The following RFWD3 variants were observed in gnomAD, a reference collection of about 807,000 sequenced individuals.
RFWD3 encodes E3 ubiquitin-protein ligase RFWD3.
A neutral mutation model predicts 87.7 loss-of-function variants in RFWD3; 65 were observed. The observed-to-expected ratio is 0.74, with a 90% CI of 0.61 to 0.91. The LOEUF (loss-of-function observed/expected upper bound fraction) is 0.91. Ranked by LOEUF, RFWD3 falls within the 40% of genes least tolerant of loss-of-function variation. The pLI, the probability that RFWD3 is intolerant of heterozygous loss-of-function variation, is 0.00. For synonymous variants in RFWD3, 433 were observed against 352.8 expected, an observed-to-expected ratio of 1.23 and a Z score of -2.55; for missense variants, 1,078 against 938.5, an observed-to-expected ratio of 1.15 and a Z score of -1.94.
chr16:74,628,079 A>C (rs1245793180), intron 11 of RFWD3, among the ~76,000 whole-genome samples: 1 of 152,170 alleles, frequency 6.6e-6, no homozygotes, highest in South Asian at 2.1e-4. Flanking sequence ...TGGCTGCCCT[A>C]ATCTGGGCCT....
At chr16:74,654,790 G>T (rs1371569156) in intron 2 of RFWD3, among the ~76,000 whole-genome samples, 1 of 152,158 alleles carries the variant, frequency 6.6e-6, no homozygotes, top group East Asian at 1.9e-4. Flanking sequence ...TGATAAGACA[G>T]CCTTATTGCT....
rs56803461 is a variant in RFWD3, at chr16:74,643,669, G to GCTTTTTTTT, written c.1079+692_1079+693insAAAAAAAAG. Reference sequence around the variant, plus strand: ...ATACTGAGTGGTGTTACTAGCAACTGTTTTTTTTTTTTTTTTTTTTTTTTG... The same window carrying GCTTTTTTTT: ...ATACTGAGTGGTGTTACTAGCAACTGCTTTTTTTTTTTTTTTTTTTTTTTTTTTTTTTTG... On this transcript the variant is annotated intron_variant, in intron 6 of 12. Transcript: ENST00000361070. Among the ~76,000 whole-genome samples, 27 of 105,052 alleles carry GCTTTTTTTT rather than the reference G, an allele frequency of 2.6e-4. 12 individuals carry two copies. Among genetic ancestry groups the GCTTTTTTTT allele is most frequent in the African/African-American group, 3.5e-4 (9 of 25,568 alleles). 68.9% of individuals were successfully genotyped at this position (105,052 alleles called of 152,430 possible).
intron 2 of RFWD3, among the ~76,000 whole-genome samples, chr16:74,652,820 T>A (rs1960665444): frequency 6.6e-6 from 1 of 152,164 alleles, no homozygotes; most frequent in South Asian, 2.1e-4. Flanking sequence ...CTGAGGAGTT[T>A]GAGGCCACTT....
chr16:74,655,179 G>T (rs576868372), intron 2 of RFWD3, among the ~76,000 whole-genome samples: 3 of 152,298 alleles, frequency 2.0e-5, no homozygotes, highest in South Asian at 4.1e-4. Context: ...TGGCTTCAAG[G>T]CTCAAAGGAC....
At chr16:74,632,394 AAAAAC>A (rs376662428) in intron 9 of RFWD3, 124 bp downstream of exon 9, 115 of 1,157,082 alleles carry the variant, frequency 9.9e-5, no homozygotes, top group Non-Finnish European at 1.3e-4. Context: ...TCCATCTCAA[AAAAAC>A]AAAACAAAAC....
chr16:74,659,969 G>A (rs762088780), intron 2 of RFWD3, among the ~76,000 whole-genome samples: 1 of 152,068 alleles, frequency 6.6e-6, no homozygotes, highest in Admixed American at 6.5e-5. Context: ...TAGGAAGATC[G>A]CCTAAGCCTG....
chr16:74,638,712 C>T (rs1306949800), intron 6 of RFWD3, among the ~76,000 whole-genome samples: 4 of 152,172 alleles, frequency 2.6e-5, no homozygotes, highest in Non-Finnish European at 5.9e-5. Context: ...AACAGCAGTC[C>T]TCATCAGATA....
rs1958790109 is a variant in RFWD3 at position 74,622,153 on chromosome 16, T to G, written c.*1775A>C. On this transcript the variant is annotated 3_prime_UTR_variant, in exon 13 of 13. Transcript: ENST00000361070. Reference sequence around the variant, plus strand: ...AAGCCAGCCAGGACCTGACCACCTGTATCCTCTTGGTGGCAATCTGCTGAA... The same window carrying G: ...AAGCCAGCCAGGACCTGACCACCTGGATCCTCTTGGTGGCAATCTGCTGAA... The G allele has an allele frequency of 6.6e-6, 1 of 152,224 alleles. No individual in the cohort carries two copies. The highest frequency in any genetic ancestry group is 1.5e-5 in the Non-Finnish European group (1 of 68,042). The allele number at this position is 152,224 out of a possible 1,614,324, so 9.4% of individuals were successfully genotyped here.
At chr16:74,664,956 G>A (rs769750380) in intron 1 of RFWD3, among the ~76,000 whole-genome samples, 1 of 152,166 alleles carries the variant, frequency 6.6e-6, no homozygotes, top group Non-Finnish European at 1.5e-5. Context: ...TGCCTAGAAC[G>A]AGAGACCATG....
chr16:74,649,665 A>G (rs1410031374), intron 3 of RFWD3, among the ~76,000 whole-genome samples: 1 of 152,220 alleles, frequency 6.6e-6, no homozygotes, highest in Admixed American at 6.5e-5. Context: ...ACCACTAAAT[A>G]TCCAGGCATC....
Position 74,644,556 on chromosome 16 carries a change from T to C in RFWD3, c.972A>G (p.Val324=), listed in dbSNP as rs753806134. ...RCISTWLKGQ[V]RKCPQCNKKA... is the part of the protein sequence containing the mutation. Reference sequence around the variant, plus strand: ...TGGTCCTTACCTGGGGACATTTTCGTACTTGTCCTTTAAGCCACGTGGAAA... The same window carrying C: ...TGGTCCTTACCTGGGGACATTTTCGCACTTGTCCTTTAAGCCACGTGGAAA... The change falls in exon 5 of 13, where the codon GTA becomes GTG. Residue 324 remains valine (V), a synonymous_variant. Coordinates refer to ENST00000361070, the MANE Select transcript of RFWD3 (RefSeq NM_018124.4). 1.2e-6 allele frequency: 2 copies of C among 1,614,236 alleles called. No individual in the cohort carries two copies. The highest frequency in any genetic ancestry group is 1.7e-6 in the Non-Finnish European group (2 of 1,180,048).
rs1959975936 is a variant in RFWD3, at chr16:74,644,726, G to A, written c.802C>T (p.Gln268Ter). The part of the protein sequence containing the change: ...GKTLPKQPSP[Q>*]KSEPLLPSAS... Reference sequence around the variant, plus strand: ...GAAGGTAGCAGAGGCTCAGACTTCTGGGGAGATGGCTAGATGGAAAGCAGA... The same window carrying A: ...GAAGGTAGCAGAGGCTCAGACTTCTAGGGAGATGGCTAGATGGAAAGCAGA... The change falls in exon 5 of 13, where the codon CAG becomes TAG. Residue 268 changes from glutamine (Q) to a stop codon, truncating the protein, a stop_gained. Coordinates refer to ENST00000361070, the MANE Select transcript of RFWD3 (RefSeq NM_018124.4). LOFTEE classifies it high-confidence loss of function. 1 of 1,611,048 alleles carries A rather than the reference G, an allele frequency of 6.2e-7. No individual in the cohort carries two copies. The highest frequency in any genetic ancestry group is 8.5e-7 in the Non-Finnish European group (1 of 1,177,624).
At chr16:74,646,979 C>T (rs896162924) in intron 4 of RFWD3, among the ~76,000 whole-genome samples, 3 of 151,536 alleles carry the variant, frequency 2.0e-5, no homozygotes, top group East Asian at 2.0e-4. Context: ...TCCCAGCTAC[C>T]GGGAGGCTGA....
chr16:74,624,059 C>G lies in RFWD3; in HGVS notation c.2194G>C (p.Ala732Pro). ...AANSALLWDA[A>P]SGSLLQDLQT... ...AGGTCCTGGAGCAACGAGCCACTGG[C>G]AGCATCCCACAGCTAAAGAACACAA... The change falls in exon 13 of 13, where the codon GCC becomes CCC. Residue 732 changes from alanine to proline, a missense_variant. Physicochemically the swap from Ala to Pro is conservative, Grantham distance 27. Transcript: ENST00000361070. 1 of 1,613,846 alleles carries G rather than the reference C, an allele frequency of 6.2e-7. No individual in the cohort carries two copies. The highest frequency in any genetic ancestry group is 8.5e-7 in the Non-Finnish European group (1 of 1,179,918).
chr16:74,643,395 C>T (rs1334054664), intron 6 of RFWD3, among the ~76,000 whole-genome samples: 2 of 152,216 alleles, frequency 1.3e-5, no homozygotes, highest in African/African-American at 4.8e-5. Context: ...GTTCATTCAA[C>T]TAAGCAATCC....
intron 2 of RFWD3, among the ~76,000 whole-genome samples, chr16:74,654,574 A>G (rs1287314876): frequency 6.6e-6 from 1 of 152,142 alleles, no homozygotes; most frequent in African/African-American, 2.4e-5. Context: ...GTAACTCTAC[A>G]ATGGCCTCTA....
intron 3 of RFWD3, among the ~76,000 whole-genome samples, chr16:74,651,274 G>C (rs766837271): frequency 1.3e-5 from 2 of 152,140 alleles, no homozygotes; most frequent in South Asian, 2.1e-4. Flanking sequence ...ACTAGGACTT[G>C]AAAGTGTCAG....
intron 12 of RFWD3, 104 bp downstream of exon 12, chr16:74,626,239 C>A (rs1958928185): frequency 1.0e-6 from 1 of 1,004,888 alleles, no homozygotes; most frequent in East Asian, 2.4e-5. Context: ...AGAACTTACA[C>A]TTTTTTGCTA....
Position 74,622,163 on chromosome 16 carries a change from G to C in RFWD3, c.*1765C>G, listed in dbSNP as rs934090934. The C allele has an allele frequency of 6.6e-6, 1 of 152,198 alleles. No individual in the cohort carries two copies. The highest frequency in any genetic ancestry group is 1.5e-5 in the Non-Finnish European group (1 of 68,046). 9.4% of individuals were successfully genotyped at this position (152,198 alleles called of 1,614,324 possible). The stretch of plus-strand genomic sequence containing the variant: ...GGACCTGACCACCTGTATCCTCTTG[G>C]TGGCAATCTGCTGAAGCCAGATGAG... On this transcript the variant is annotated 3_prime_UTR_variant, in exon 13 of 13. Coordinates refer to ENST00000361070, the MANE Select transcript of RFWD3 (RefSeq NM_018124.4).
Sources: allele counts gnomAD v4.1 joint callset (sites outside exome capture counted in the v4.1 genomes callset), GRCh38; gene constraint gnomAD v4.1.1; transcripts MANE v1.5; gene names NCBI Gene and HGNC (gene_info 2026-07-23, HGNC 2026-07-21).